Variants in ELP4 observed in about 807,000 individuals in gnomAD.
ELP4 encodes the protein elongator complex protein 4.
Under a neutral mutation model 48.9 loss-of-function variants are expected in ELP4, and 51 were observed. The observed-to-expected ratio is 1.04, with a 90% CI of 0.83 to 1.32. The LOEUF (loss-of-function observed/expected upper bound fraction) is 1.32. Ranked by LOEUF, ELP4 falls within the 40% of genes most tolerant of loss-of-function variation. The pLI, the probability that ELP4 is intolerant of heterozygous loss-of-function variation, is 0.00. For synonymous variants in ELP4, 210 were observed against 189.2 expected (o/e 1.11, Z -0.90); for missense variants, 519 against 514.6 (o/e 1.01, Z -0.08).
chr11:31,652,277 C>A (rs1262246968), intron 9 of ELP4: 1 of 151,304 alleles, frequency 6.6e-6, no homozygotes, highest in African/African-American at 2.4e-5. Flanking sequence ...TTTACTTAAG[C>A]CATAATACTC....
In ELP4 at chr11:31,784,002, A is replaced by G. The variant is rs569565359; in HGVS notation, c.*478A>G. ...AAAATAAATTTGCATTTATGTATCC[A>G]GTTATTAAATTGATAAAGACAAAGT... On this transcript the variant is annotated 3_prime_UTR_variant, in exon 10 of 10. Transcript: ENST00000640961. 2 of 152,426 alleles carry G rather than the reference A, an allele frequency of 1.3e-5. No homozygotes were observed. The highest frequency in any genetic ancestry group is 3.9e-4 in the East Asian group (2 of 5,190). 9.4% of individuals were successfully genotyped at this position (152,426 alleles called of 1,614,324 possible).
chr11:31,782,427 G>A (rs1948398237), intron 9 of ELP4, among the ~76,000 whole-genome samples: 1 of 151,844 alleles, frequency 6.6e-6, no homozygotes, highest in African/African-American at 2.4e-5. Context: ...GGAGCCCTAT[G>A]CTGCCTTATC....
At chr11:31,513,688 T>C (rs1021567503) in intron 1 of ELP4, among the ~76,000 whole-genome samples, 5 of 152,142 alleles carry the variant, frequency 3.3e-5, no homozygotes, top group Non-Finnish European at 7.4e-5. Context: ...GAGGTTTCTA[T>C]TGGGGAGAGT....
At chr11:31,773,925 A>G (rs1289994475) in intron 9 of ELP4, among the ~76,000 whole-genome samples, 2 of 152,182 alleles carry the variant, frequency 1.3e-5, no homozygotes, top group South Asian at 2.1e-4. Flanking sequence ...CATACCTGTA[A>G]TCCCAGCTGC....
At chr11:31,621,954 T>C (rs1944631795) in intron 5 of ELP4, among the ~76,000 whole-genome samples, 1 of 151,862 alleles carries the variant, frequency 6.6e-6, no homozygotes, top group African/African-American at 2.4e-5. Flanking sequence ...CGCACAGCCT[T>C]GGGCAAATTA....
Position 31,783,421 on chromosome 11 carries a change from A to G in ELP4, c.1172A>G (p.Asp391Gly). The change falls in exon 10 of 10, where the codon GAC (aspartate) becomes GGC (glycine). Residue 391 changes from aspartate (D) to glycine (G), a missense_variant. By Grantham distance (94) the Asp-to-Gly change is moderately conservative. Transcript: ENST00000640961. ...CTGCATTTGCCTCCAGACTTGTCAG[A>G]CACAGTGAGCCGCTCAAGCAAAATG... ...ERLHLPPDLS[D>G]TVSRSSKMDL... The G allele has an allele frequency of 6.2e-7, 1 of 1,614,060 alleles. No individual in the cohort carries two copies. Among genetic ancestry groups the G allele is most frequent in the Non-Finnish European group, 8.5e-7 (1 of 1,179,918 alleles).
intron 7 of ELP4, among the ~76,000 whole-genome samples, chr11:31,635,296 G>A (rs893112735): frequency 6.6e-5 from 10 of 151,918 alleles, no homozygotes; most frequent in African/African-American, 9.7e-5. Flanking sequence ...AAAAAGTTAC[G>A]TGGTGATTAC....
intron 9 of ELP4, chr11:31,689,444 TAA>T (rs35318641): frequency 2.8e-3 from 377 of 132,420 alleles, no homozygotes; most frequent in Middle Eastern, 0.011. Flanking sequence ...AACCTGTCTT[TAA>T]AAAAAAAAAA....
rs1297886728 is a variant in ELP4 at position 31,787,198 on chromosome 11, G to C, written c.*3674G>C. On this transcript the variant is annotated 3_prime_UTR_variant, in exon 10 of 10. Coordinates refer to ENST00000640961, the MANE Select transcript of ELP4 (RefSeq NM_019040.5). ...CAAGGCAGCCGTTCCCATCCTGCCG[G>C]ACCAGAGGGCTTCTGCAGCTGAGCA... The C allele has an allele frequency of 4.3e-6, 1 of 232,742 alleles. No individual in the cohort carries two copies. The highest frequency in any genetic ancestry group is 8.5e-6 in the Non-Finnish European group (1 of 117,772). 14.4% of individuals were successfully genotyped at this position (232,742 alleles called of 1,614,324 possible). A position where few individuals can be genotyped will look rare whatever the true frequency, so the allele number is the denominator to read the frequency against.
intron 9 of ELP4, among the ~76,000 whole-genome samples, chr11:31,693,916 T>C (rs1224728798): frequency 6.6e-6 from 1 of 152,268 alleles, no homozygotes; most frequent in African/African-American, 2.4e-5. Flanking sequence ...TGGTCAGTGA[T>C]GATGAGCATT....
chr11:31,722,324 C>T (rs1015629726), intron 9 of ELP4, among the ~76,000 whole-genome samples: 4 of 152,120 alleles, frequency 2.6e-5, no homozygotes. Flanking sequence ...ACTTAATTTC[C>T]ACTATGTGGA....
At position 31,787,878 on chromosome 11, in the gene ELP4, AT is replaced by A; in HGVS notation, c.*4357del. The A allele has an allele frequency of 4.5e-6, 1 of 222,468 alleles. No individual in the cohort carries two copies. Among genetic ancestry groups the A allele is most frequent in the Non-Finnish European group, 9.0e-6 (1 of 111,282 alleles). 13.8% of individuals were successfully genotyped at this position (222,468 alleles called of 1,614,324 possible). A position where few individuals can be genotyped will look rare whatever the true frequency, so the allele number is the denominator to read the frequency against. ...TTTAAATCCTTCCATTAATTTCTAC[AT>A]TTCTGATCATTTGCTTTTGGGGATT... On this transcript the variant is annotated 3_prime_UTR_variant, in exon 10 of 10. Transcript: ENST00000640961.
At chr11:31,633,051 C>G (rs1360779018) in intron 7 of ELP4, 1 of 151,974 alleles carries the variant, frequency 6.6e-6, no homozygotes, top group Non-Finnish European at 1.5e-5. Flanking sequence ...TCTTTATAGG[C>G]TTTATGGTAA....
chr11:31,751,733 T>A (rs1476943168), intron 9 of ELP4, among the ~76,000 whole-genome samples: 1 of 152,192 alleles, frequency 6.6e-6, no homozygotes, highest in Non-Finnish European at 1.5e-5. Context: ...TAAAACTTAA[T>A]TAATCGCCTT....
At chr11:31,562,229 TA>T (rs1162912795) in intron 3 of ELP4, among the ~76,000 whole-genome samples, 3 of 152,234 alleles carry the variant, frequency 2.0e-5, no homozygotes, top group Admixed American at 1.3e-4. Flanking sequence ...TCTAATACAA[TA>T]TTTTTAAATA....
At chr11:31,755,855 C>T (rs756553518) in intron 9 of ELP4, among the ~76,000 whole-genome samples, 1 of 152,026 alleles carries the variant, frequency 6.6e-6, no homozygotes, top group Non-Finnish European at 1.5e-5. Flanking sequence ...ATCTTTGATA[C>T]CTCCCTTTTT....
At chr11:31,547,411 A>G (rs567423752) in intron 3 of ELP4, among the ~76,000 whole-genome samples, 52 of 152,338 alleles carry the variant, frequency 3.4e-4, no homozygotes, top group Admixed American at 2.0e-3. Flanking sequence ...TCCTTGACAC[A>G]TACACTCTCC....
At chr11:31,663,805 G>A (rs973283647) in intron 9 of ELP4, 2 of 151,978 alleles carry the variant, frequency 1.3e-5, no homozygotes, top group African/African-American at 2.4e-5. Flanking sequence ...GCTATAGGAT[G>A]CTGTAGTTGG....
At chr11:31,675,481 G>A (rs1945903508) in intron 9 of ELP4, among the ~76,000 whole-genome samples, 1 of 151,950 alleles carries the variant, frequency 6.6e-6, no homozygotes, top group African/African-American at 2.4e-5. Context: ...GGCTGGTCTC[G>A]AACTCCTGAC....
Sources: gnomAD v4.1 joint callset for allele counts (sites outside exome capture counted in the v4.1 genomes callset) on GRCh38, gnomAD v4.1.1 for gene constraint, MANE v1.5 for transcripts, NCBI Gene and HGNC (gene_info 2026-07-23, HGNC 2026-07-21) for gene names.